The following TNIK variants were observed in gnomAD, a reference collection of about 807,000 sequenced individuals.
TNIK encodes TRAF2 and NCK-interacting protein kinase.
TNIK carries 49 observed loss-of-function variants against 191.3 expected under a neutral mutation model. That is an observed-to-expected ratio of 0.26 (90% CI 0.20 to 0.32). The LOEUF is 0.32. Among genes scored for constraint, TNIK ranks in the 10% least tolerant of loss-of-function variants. The probability of loss-of-function intolerance (pLI) is 1.00; values close to 1 mark genes in which losing one functional copy is unlikely to be tolerated. For synonymous variants in TNIK, 594 were observed against 600.9 expected (o/e 0.99, Z 0.17); for missense variants, 1,155 against 1,702.3 (o/e 0.68, Z 5.66).
chr3:171,261,604 C>T (rs1486640690), intron 2 of TNIK, among the ~76,000 whole-genome samples: 11 of 152,056 alleles, frequency 7.2e-5, no homozygotes, highest in Non-Finnish European at 1.3e-4. Context: ...GTCATAATTC[C>T]GAGTGTAAAG....
In TNIK at chr3:171,366,997, C is replaced by T. The variant is rs1715815829; in HGVS notation, c.123+2623G>A. 6.6e-6 allele frequency among the ~76,000 whole-genome samples: 1 copy of T among 152,216 alleles called. No individual in the cohort carries two copies. Among genetic ancestry groups the T allele is most frequent in the Non-Finnish European group, 1.5e-5 (1 of 68,044 alleles). On this transcript the variant is annotated intron_variant, in intron 2 of 32. Coordinates refer to ENST00000436636, the MANE Select transcript of TNIK (RefSeq NM_015028.4). The surrounding 1 kb of genome is among the most constrained non-coding windows in gnomAD (Gnocchi z 4.1). ...ATTTCCTGAGGCCTCCTCAGCCAGG[C>T]AGAACTGTGAGTCAGTTAAACCTCT...
intron 23 of TNIK, among the ~76,000 whole-genome samples, chr3:171,091,338 C>T (rs1722025846): frequency 6.6e-6 from 1 of 152,136 alleles, no homozygotes; most frequent in South Asian, 2.1e-4. Flanking sequence ...TCATCTTCAC[C>T]CAGCTTCCAA....
intron 2 of TNIK, among the ~76,000 whole-genome samples, chr3:171,368,084 G>A (rs938028209): frequency 2.6e-5 from 4 of 152,134 alleles, no homozygotes; most frequent in Admixed American, 2.6e-4. Flanking sequence ...AGAAATTATG[G>A]ATAATTCTGG....
intron 2 of TNIK, chr3:171,346,894 A>C (rs569080594): frequency 2.7e-6 from 1 of 373,268 alleles, no homozygotes; most frequent in African/African-American, 2.1e-5. Flanking sequence ...TCTTGATCAC[A>C]TGGGAAATCA....
At chr3:171,178,185 TAGTTAA>T (rs538865211) in intron 7 of TNIK, among the ~76,000 whole-genome samples, 2 of 152,212 alleles carry the variant, frequency 1.3e-5, no homozygotes, top group Non-Finnish European at 2.9e-5. Flanking sequence ...TTATTTCTTT[TAGTTAA>T]ATACCTGAGA....
intron 9 of TNIK, among the ~76,000 whole-genome samples, chr3:171,170,776 T>A (rs1735174548): frequency 6.6e-6 from 1 of 152,124 alleles, no homozygotes; most frequent in Non-Finnish European, 1.5e-5. Flanking sequence ...TCTGGCCAGG[T>A]GCGGTAGTTC....
intron 2 of TNIK, among the ~76,000 whole-genome samples, chr3:171,308,006 C>A (rs1359955639): frequency 6.6e-6 from 1 of 152,034 alleles, no homozygotes; most frequent in Non-Finnish European, 1.5e-5. Flanking sequence ...CTATCCCAAG[C>A]AATTTACAGA....
chr3:171,113,453 A>C (rs1383395845), intron 18 of TNIK, among the ~76,000 whole-genome samples: 1 of 152,068 alleles, frequency 6.6e-6, no homozygotes, highest in Non-Finnish European at 1.5e-5. Context: ...AAAATACAAA[A>C]AAATTAGCTG....
chr3:171,389,885 T>C (rs1180179076), intron 1 of TNIK, among the ~76,000 whole-genome samples: 3 of 152,226 alleles, frequency 2.0e-5, no homozygotes, highest in Non-Finnish European at 4.4e-5. Context: ...AACCTTTCCC[T>C]GGAGAAGCCC....
At position 171,172,014 on chromosome 3, in the gene TNIK, A is replaced by G. The variant is rs537460341; in HGVS notation, c.773+3238T>C. Among the ~76,000 whole-genome samples the G allele has an allele frequency of 1.5e-4, 23 of 152,208 alleles. 1 individual carries two copies. The South Asian group carries it at 4.8e-3, about 32-fold the overall frequency. ...CATACCACAAAGGCCTCTCCTCATCATACCAATAGGGAAGGAAGAACTGGG... is the reference window on the plus strand; with the variant it reads ...CATACCACAAAGGCCTCTCCTCATCGTACCAATAGGGAAGGAAGAACTGGG... On this transcript the variant is annotated intron_variant, in intron 9 of 32. Coordinates refer to ENST00000436636, the MANE Select transcript of TNIK (RefSeq NM_015028.4).
intron 18 of TNIK, among the ~76,000 whole-genome samples, chr3:171,116,802 C>CT (rs1276873085): frequency 6.6e-6 from 1 of 152,110 alleles, no homozygotes; most frequent in Non-Finnish European, 1.5e-5. Context: ...ATGAAAGTAC[C>CT]TGATTTTTAA....
chr3:171,205,936 C>T (rs903257856), intron 4 of TNIK, among the ~76,000 whole-genome samples: 3 of 152,168 alleles, frequency 2.0e-5, no homozygotes, highest in African/African-American at 4.8e-5. Context: ...CCAAAGGCCT[C>T]ACCTCCTAAT....
Position 171,158,572 on chromosome 3 carries a change from G to A in TNIK, c.1017-908C>T, listed in dbSNP as rs541643530. ...AAACGTAGCCCTTTTAATCTTTCTG[G>A]AAGCTTCCATTTGAAATAAATCTAT... On this transcript the variant is annotated intron_variant, in intron 11 of 32. Transcript: ENST00000436636. Among the ~76,000 whole-genome samples, 70 of 152,318 alleles carry A rather than the reference G, an allele frequency of 4.6e-4. 2 individuals carry two copies. The highest frequency in any genetic ancestry group is 1.6e-3 in the African/African-American group (66 of 41,574).
intron 3 of TNIK, chr3:171,225,833 AGT>A (rs905758049): frequency 2.9e-6 from 1 of 341,724 alleles, no homozygotes; most frequent in Non-Finnish European, 5.7e-6. Flanking sequence ...TCTCAACTGT[AGT>A]TCTTCAAAAC....
chr3:171,388,629 T>A (rs1719051027), intron 1 of TNIK, among the ~76,000 whole-genome samples: 1 of 152,186 alleles, frequency 6.6e-6, no homozygotes, highest in African/African-American at 2.4e-5. Context: ...ACACACACAC[T>A]ACCTTTGTGT....
intron 7 of TNIK, among the ~76,000 whole-genome samples, chr3:171,178,012 AC>A (rs1282280273): frequency 6.6e-6 from 1 of 152,164 alleles, no homozygotes; most frequent in Non-Finnish European, 1.5e-5. Flanking sequence ...TCTGAAGTCC[AC>A]CCATGTTGTA....
At chr3:171,083,280 C>T (rs1720920361) in intron 26 of TNIK, among the ~76,000 whole-genome samples, 1 of 152,160 alleles carries the variant, frequency 6.6e-6, no homozygotes, top group Non-Finnish European at 1.5e-5. Flanking sequence ...TTAATCCTTT[C>T]AGTATTAAAT....
At chr3:171,310,179 T>A (rs1159108711) in intron 2 of TNIK, among the ~76,000 whole-genome samples, 2 of 152,104 alleles carry the variant, frequency 1.3e-5, no homozygotes, top group South Asian at 2.1e-4. Context: ...TGGTAATACC[T>A]CCCATAGCTC....
At chr3:171,173,893 T>C (rs1735649081) in intron 9 of TNIK, among the ~76,000 whole-genome samples, 1 of 152,048 alleles carries the variant, frequency 6.6e-6, no homozygotes, top group Non-Finnish European at 1.5e-5. Flanking sequence ...CCAGTCCCTC[T>C]CCCCGGGAGT....
Sources: allele counts gnomAD v4.1 joint callset (sites outside exome capture counted in the v4.1 genomes callset), GRCh38; gene constraint gnomAD v4.1.1; non-coding constraint Gnocchi (gnomAD v3.1); transcripts MANE v1.5; gene names NCBI Gene and HGNC (gene_info 2026-07-23, HGNC 2026-07-21).